PLD5: variants seen among roughly 807,000 people sequenced by gnomAD.
PLD5 encodes phospholipase D family member 5, also known as inactive phospholipase D5.
PLD5 carries 36 observed loss-of-function variants against 61.1 expected under a neutral mutation model. The observed-to-expected ratio is 0.59, with a 90% CI of 0.45 to 0.78. The LOEUF is 0.78. Ranked by LOEUF, PLD5 falls within the 30% of genes least tolerant of loss-of-function variation. PLD5 has a pLI of 0.00. For synonymous variants in PLD5, 243 were observed against 242.8 expected, an observed-to-expected ratio of 1.00 and a Z score of -0.01; for missense variants, 515 against 644.4, an observed-to-expected ratio of 0.80 and a Z score of 2.17.
At chr1:242,127,159 G>A (rs1466873375) in intron 5 of PLD5, among the ~76,000 whole-genome samples, 1 of 152,150 alleles carries the variant, frequency 6.6e-6, no homozygotes, top group Non-Finnish European at 1.5e-5. Context: ...AATAATAGAT[G>A]TTGGCGTGGA....
At chr1:242,508,107 T>C (rs61839856) in intron 1 of PLD5, among the ~76,000 whole-genome samples, 2,397 of 151,954 alleles carry the variant, frequency 0.016, 34 homozygotes, top group Middle Eastern at 0.02. Context: ...CTCATGCCTG[T>C]AATCCCAGCA....
At chr1:242,493,452 C>G (rs540327320) in intron 1 of PLD5, among the ~76,000 whole-genome samples, 19 of 152,252 alleles carry the variant, frequency 1.2e-4, no homozygotes, top group African/African-American at 4.3e-4. Context: ...TCCAAAGGGT[C>G]AGAGGGAAAT....
intron 1 of PLD5, among the ~76,000 whole-genome samples, chr1:242,357,935 T>G (rs543233023): frequency 6.6e-6 from 1 of 152,328 alleles, no homozygotes; most frequent in South Asian, 2.1e-4. Context: ...TTTTCTTTTT[T>G]TCCTTTTGCT....
rs532048446 is a variant in PLD5, at chr1:242,319,659, C to T, written c.326+28447G>A. ...CAGTTCTGGTGAATTTTACCCTGACCGTGTAAATTCATCGTTAATCTTCTC... is the reference window on the plus strand; with the variant it reads ...CAGTTCTGGTGAATTTTACCCTGACTGTGTAAATTCATCGTTAATCTTCTC... On this transcript the variant is annotated intron_variant, in intron 2 of 9. Coordinates refer to ENST00000536534, the MANE Select transcript of PLD5 (RefSeq NM_001372062.1). 8.5e-5 allele frequency among the ~76,000 whole-genome samples: 13 copies of T among 152,258 alleles called. No homozygotes were observed. The East Asian group carries it at 2.1e-3, about 25-fold the overall frequency.
chr1:242,166,969 G>T (rs1323066750), intron 5 of PLD5, among the ~76,000 whole-genome samples: 1 of 151,772 alleles, frequency 6.6e-6, no homozygotes, highest in Non-Finnish European at 1.5e-5. Context: ...AAGTTCCAAA[G>T]AATGAAGCCT....
chr1:242,260,989 A>C (rs1408686951), intron 4 of PLD5, among the ~76,000 whole-genome samples: 1 of 152,248 alleles, frequency 6.6e-6, no homozygotes, highest in South Asian at 2.1e-4. Context: ...TTATCTACAG[A>C]GTCAGTGTAA....
chr1:242,339,815 T>G (rs1659731996), intron 2 of PLD5, among the ~76,000 whole-genome samples: 2 of 152,092 alleles, frequency 1.3e-5, no homozygotes, highest in Admixed American at 1.3e-4. Context: ...TTACATCAGG[T>G]GGACGCCATC....
At chr1:242,365,741 T>C in intron 1 of PLD5, 1 of 211,074 alleles carries the variant, frequency 4.7e-6, no homozygotes, top group Non-Finnish European at 9.2e-6. Flanking sequence ...GTCAACTTCC[T>C]GGTGTCATTA....
At chr1:242,419,363 A>G (rs1465557780) in intron 1 of PLD5, among the ~76,000 whole-genome samples, 3 of 150,702 alleles carry the variant, frequency 2.0e-5, no homozygotes, top group Non-Finnish European at 4.4e-5. Context: ...TTATAGTGCA[A>G]GCTGAGTGCA....
intron 2 of PLD5, among the ~76,000 whole-genome samples, chr1:242,301,835 T>C (rs904076545): frequency 2.6e-5 from 4 of 151,112 alleles, no homozygotes; most frequent in Non-Finnish European, 5.9e-5. Flanking sequence ...TGGAGTGCAA[T>C]GGTGAGATCT....
intron 6 of PLD5, among the ~76,000 whole-genome samples, chr1:242,124,036 AAGGGTTCTG>A (rs1662588035): frequency 6.6e-6 from 1 of 152,188 alleles, no homozygotes; most frequent in African/African-American, 2.4e-5. Context: ...TGTCTCATCA[AAGGGTTCTG>A]ATAAAAACAA....
At chr1:242,368,344 T>C (rs1276683344) in intron 1 of PLD5, among the ~76,000 whole-genome samples, 2 of 151,788 alleles carry the variant, frequency 1.3e-5, no homozygotes, top group Non-Finnish European at 2.9e-5. Flanking sequence ...CCTCATTGTC[T>C]GGGGTGATAT....
intron 1 of PLD5, among the ~76,000 whole-genome samples, chr1:242,504,765 A>AT (rs1383564016): frequency 4.0e-5 from 6 of 151,852 alleles, no homozygotes; most frequent in South Asian, 2.1e-4. Flanking sequence ...TTTCCCAAAT[A>AT]TTTTTTTTTA....
At chr1:242,345,482 A>G in intron 2 of PLD5, 1 of 700,108 alleles carries the variant, frequency 1.4e-6, no homozygotes, top group Non-Finnish European at 2.6e-6. Flanking sequence ...GTAAATTCTT[A>G]AGTTGCTAAA....
At chr1:242,353,965 T>C (rs1194657205) in intron 1 of PLD5, among the ~76,000 whole-genome samples, 1 of 152,110 alleles carries the variant, frequency 6.6e-6, no homozygotes, top group Non-Finnish European at 1.5e-5. Context: ...TCATATCCTG[T>C]AACTTCACTA....
intron 2 of PLD5, among the ~76,000 whole-genome samples, chr1:242,313,366 A>C (rs532646585): frequency 6.6e-6 from 1 of 152,334 alleles, no homozygotes; most frequent in South Asian, 2.1e-4. Context: ...TACTTAACAT[A>C]TGAGATAGAT....
At chr1:242,161,781 C>T (rs531075257) in intron 5 of PLD5, among the ~76,000 whole-genome samples, 1 of 152,228 alleles carries the variant, frequency 6.6e-6, no homozygotes, top group South Asian at 2.1e-4. Context: ...AAATGTCTAG[C>T]AGGGACTGTT....
At chr1:242,148,774 A>G (rs976447460) in intron 5 of PLD5, among the ~76,000 whole-genome samples, 7 of 151,882 alleles carry the variant, frequency 4.6e-5, no homozygotes, top group Middle Eastern at 3.2e-3. Flanking sequence ...TGCTCATGCT[A>G]TTGGTTGGGA....
chr1:242,527,583 G>A (rs1032077637), upstream of PLD5, among the ~76,000 whole-genome samples: 1 of 152,084 alleles, frequency 6.6e-6, no homozygotes, highest in Non-Finnish European at 1.5e-5. Context: ...ATACTTACTT[G>A]GTATGCAGTG....
Sources: allele counts gnomAD v4.1 joint callset (sites outside exome capture counted in the v4.1 genomes callset), GRCh38; gene constraint gnomAD v4.1.1; transcripts MANE v1.5; gene names NCBI Gene and HGNC (gene_info 2026-07-23, HGNC 2026-07-21).